The following PLCZ1 variants were observed in gnomAD, a reference collection of about 807,000 sequenced individuals.
PLCZ1 encodes the protein phospholipase C zeta 1.
Under a neutral mutation model 76.8 loss-of-function variants are expected in PLCZ1, and 64 were observed. The ratio of observed to expected loss-of-function variants is 0.83; its 90% CI spans 0.68 to 1.03. The LOEUF (loss-of-function observed/expected upper bound fraction) is 1.03, where lower values mean the gene tolerates loss of function less well. Ranked by LOEUF, PLCZ1 falls within the 50% of genes least tolerant of loss-of-function variation. PLCZ1 has a pLI of 0.00. For missense variants in PLCZ1, 751 were observed against 713.7 expected (o/e 1.05, Z -0.60); for synonymous variants, 248 against 230.8 (o/e 1.07, Z -0.68).
intron 14 of PLCZ1, 131 bp downstream of exon 14, chr12:18,683,999 T>G (rs1036813337): frequency 7.3e-6 from 8 of 1,096,192 alleles, no homozygotes; most frequent in African/African-American, 1.6e-5. Flanking sequence ...AGAAAAAATA[T>G]GTGTCAATAC....
At chr12:18,668,390 T>C in the PLCZ1 span, among the ~76,000 whole-genome samples, 1 of 152,084 alleles carries the variant, frequency 6.6e-6, no homozygotes, top group Non-Finnish European at 1.5e-5. Flanking sequence ...TAAGGGAAAA[T>C]TTGTAAAAGG....
intron 3 of PLCZ1, among the ~76,000 whole-genome samples, chr12:18,734,619 G>A (rs797015596): frequency 1.3e-5 from 2 of 152,304 alleles, no homozygotes; most frequent in African/African-American, 4.8e-5. Context: ...CCAAAGTGCT[G>A]TGATTACAGG....
intron 12 of PLCZ1, among the ~76,000 whole-genome samples, chr12:18,689,202 G>A (rs182588299): frequency 7.0e-4 from 107 of 152,098 alleles, no homozygotes; most frequent in African/African-American, 2.4e-3. Context: ...CTATAGACCC[G>A]CTAAATATCA....
intron 11 of PLCZ1, among the ~76,000 whole-genome samples, chr12:18,695,448 T>C (rs769250359): frequency 1.4e-4 from 21 of 152,250 alleles, no homozygotes; most frequent in Non-Finnish European, 2.5e-4. Context: ...ATGTCATAAA[T>C]TTTCAAGTCC....
At chr12:18,720,469 T>C (rs977220121) in intron 4 of PLCZ1, among the ~76,000 whole-genome samples, 1 of 151,140 alleles carries the variant, frequency 6.6e-6, no homozygotes, top group Non-Finnish European at 1.5e-5. Context: ...TACCAAAATA[T>C]CTATCAAGCA....
the PLCZ1 span, among the ~76,000 whole-genome samples, chr12:18,663,800 G>C: frequency 1.3e-5 from 2 of 151,970 alleles, no homozygotes; most frequent in African/African-American, 2.4e-5. Context: ...TATCAACAGA[G>C]AAAAAGGCAA....
the PLCZ1 span, among the ~76,000 whole-genome samples, chr12:18,674,971 A>G: frequency 2.6e-5 from 4 of 152,110 alleles, no homozygotes; most frequent in African/African-American, 9.7e-5. Context: ...GAGTGAAGCC[A>G]TCTTGGAATA....
chr12:18,667,760 C>T, the PLCZ1 span, among the ~76,000 whole-genome samples: 18 of 152,262 alleles, frequency 1.2e-4, no homozygotes, highest in South Asian at 2.5e-3. Context: ...AAATGAAACT[C>T]TATAAAGTTA....
At chr12:18,707,915 T>A (rs1487060) in intron 6 of PLCZ1, among the ~76,000 whole-genome samples, 37,970 of 152,082 alleles carry the variant, frequency 0.25, 5,037 homozygotes, top group East Asian at 0.4. Flanking sequence ...CAACATGATG[T>A]TATGGAACAC....
At position 18,712,738 on chromosome 12, in the gene PLCZ1, G is replaced by A. The variant is rs1466634066; in HGVS notation, c.714+104C>T. The stretch of plus-strand genomic sequence containing the variant: ...ACTAATGGATCATAACCCACAATTT[G>A]AAATATCATCTAAAGTAAGGCTAAG... On this transcript the variant is annotated intron_variant, in intron 6 of 14. Transcript: ENST00000266505. 5.8e-6 allele frequency: 8 copies of A among 1,378,994 alleles called. No individual in the cohort carries two copies. In the African/African-American group the frequency reaches 1.0e-4, roughly 17 times the overall value. 85.4% of individuals were successfully genotyped at this position (1,378,994 alleles called of 1,614,324 possible).
the PLCZ1 span, among the ~76,000 whole-genome samples, chr12:18,672,152 A>G: frequency 3.3e-5 from 5 of 152,204 alleles, no homozygotes; most frequent in African/African-American, 9.6e-5. Context: ...GCAGTGGATC[A>G]TGTTTTATGG....
intron 12 of PLCZ1, chr12:18,692,697 C>G: frequency 1.3e-6 from 1 of 741,656 alleles, no homozygotes; most frequent in Non-Finnish European, 2.2e-6. Flanking sequence ...AGAACAAAAT[C>G]AAATACAGAC....
intron 7 of PLCZ1, among the ~76,000 whole-genome samples, chr12:18,704,005 C>G (rs78935099): frequency 0.013 from 1,985 of 152,226 alleles, 57 homozygotes; most frequent in African/African-American, 0.046. Context: ...TATTTGTAAT[C>G]TGATAAAATT....
chr12:18,650,702 GTGTATATATCTATATA>G, the PLCZ1 span, among the ~76,000 whole-genome samples: 26 of 27,694 alleles, frequency 9.4e-4, 1 homozygote, highest in South Asian at 4.8e-3. Flanking sequence ...GTGTGTGTGT[GTGTATATATCTATATA>G]TATATATATA....
the PLCZ1 span, among the ~76,000 whole-genome samples, chr12:18,650,712 CTATATATATATATATATATA>C: frequency 3.6e-3 from 53 of 14,610 alleles, no homozygotes; most frequent in African/African-American, 0.012. Context: ...GTGTATATAT[CTATATATATATATATATATA>C]TATATATATA....
chr12:18,715,106 C>T (rs1357936854), intron 5 of PLCZ1, among the ~76,000 whole-genome samples: 1 of 139,696 alleles, frequency 7.2e-6, no homozygotes, highest in Non-Finnish European at 1.5e-5. Flanking sequence ...ACAGATAAAA[C>T]AATTATAACA....
the PLCZ1 span, among the ~76,000 whole-genome samples, chr12:18,651,019 A>G: frequency 1.3e-5 from 2 of 151,804 alleles, no homozygotes; most frequent in African/African-American, 2.4e-5. Context: ...GGGGCTTCTA[A>G]TCTCAGAGTA....
intron 11 of PLCZ1, 129 bp downstream of exon 11, chr12:18,696,021 C>A: frequency 1.7e-6 from 1 of 572,804 alleles, no homozygotes; most frequent in East Asian, 3.4e-5. Flanking sequence ...ACCATTAGTG[C>A]CTGACCCCAA....
chr12:18,687,825 A>C (rs1301150836), intron 13 of PLCZ1, among the ~76,000 whole-genome samples: 1 of 152,106 alleles, frequency 6.6e-6, no homozygotes. Flanking sequence ...ATGAGAGAAA[A>C]CATAAAAAAG....
Sources: allele counts gnomAD v4.1 joint callset (sites outside exome capture counted in the v4.1 genomes callset), GRCh38; gene constraint gnomAD v4.1.1; transcripts MANE v1.5; gene names NCBI Gene and HGNC (gene_info 2026-07-23, HGNC 2026-07-21).